The following CCDC191 variants were observed in gnomAD, a reference collection of about 807,000 sequenced individuals.
CCDC191 encodes the protein coiled-coil domain containing 191.
CCDC191 carries 99 observed loss-of-function variants against 114.0 expected under a neutral mutation model. The observed-to-expected ratio is 0.87, with a 90% CI of 0.74 to 1.03. The LOEUF (loss-of-function observed/expected upper bound fraction) is 1.03. Among genes scored for constraint, CCDC191 ranks in the 50% least tolerant of loss-of-function variants. The pLI is 0.00. For synonymous variants in CCDC191, 351 were observed against 376.0 expected (o/e 0.93, Z 0.77); for missense variants, 973 against 1,087.0 (o/e 0.90, Z 1.47).
Position 113,978,243 on chromosome 3 carries a change from C to A in CCDC191, c.2549G>T (p.Arg850Met). The change falls in exon 16 of 17, where the codon AGG becomes ATG. Residue 850 changes from arginine to methionine, a missense_variant. By Grantham distance (91) the Arg-to-Met change is moderately conservative. Coordinates refer to ENST00000295878, the MANE Select transcript of CCDC191 (RefSeq NM_020817.2). ...GCCCTGAGAATCGATCTTCACCTCC[C>A]TGACCATGTTAAACCAGGCCCTGAA... ...KIFRAWFNMV[R>M]EVKIDSQGKH... 6.2e-7 allele frequency: 1 copy of A among 1,614,074 alleles called. No homozygotes were observed. Among genetic ancestry groups the A allele is most frequent in the African/African-American group, 1.3e-5 (1 of 75,042 alleles).
At chr3:113,970,934 A>G (rs1940749416) in intron 16 of CCDC191, among the ~76,000 whole-genome samples, 1 of 152,124 alleles carries the variant, frequency 6.6e-6, no homozygotes, top group South Asian at 2.1e-4. Flanking sequence ...TCCATGGTGT[A>G]TATGTGCCAC....
chr3:114,033,100 T>A (rs987204267), intron 6 of CCDC191, among the ~76,000 whole-genome samples: 16 of 148,778 alleles, frequency 1.1e-4, no homozygotes, highest in Non-Finnish European at 2.1e-4. Flanking sequence ...TTTTTTTTTT[T>A]ATTTTCTGTT....
intron 7 of CCDC191, among the ~76,000 whole-genome samples, chr3:114,029,049 C>T (rs1341982890): frequency 2.0e-5 from 3 of 151,932 alleles, no homozygotes; most frequent in Non-Finnish European, 4.4e-5. Context: ...TAGCAGTGAA[C>T]ACACTTAGTG....
intron 8 of CCDC191, among the ~76,000 whole-genome samples, chr3:114,013,271 A>G (rs890247532): frequency 5.9e-5 from 9 of 151,944 alleles, no homozygotes; most frequent in African/African-American, 1.9e-4. Context: ...AGTAAAAAAG[A>G]AAAAACAGAA....
chr3:114,009,770 T>C (rs1415787118), intron 9 of CCDC191, among the ~76,000 whole-genome samples: 1 of 152,200 alleles, frequency 6.6e-6, no homozygotes, highest in Non-Finnish European at 1.5e-5. Context: ...ATTATGGATA[T>C]GTGCAGATTT....
chr3:113,999,345 T>C (rs1322145809), intron 13 of CCDC191, among the ~76,000 whole-genome samples: 6 of 152,150 alleles, frequency 3.9e-5, no homozygotes, highest in African/African-American at 1.2e-4. Context: ...CGGCTCCTTG[T>C]GCCACTGAAT....
At chr3:114,054,553 C>T (rs1319015266) in intron 1 of CCDC191, among the ~76,000 whole-genome samples, 7 of 152,136 alleles carry the variant, frequency 4.6e-5, no homozygotes, top group Non-Finnish European at 8.8e-5. Context: ...AGGAGAATGG[C>T]GTGAACCCGA....
At chr3:113,975,411 T>G (rs1339684937) in intron 16 of CCDC191, among the ~76,000 whole-genome samples, 1 of 152,218 alleles carries the variant, frequency 6.6e-6, no homozygotes, top group Non-Finnish European at 1.5e-5. Context: ...GAATATCAAT[T>G]TTTTAATGTT....
At position 114,034,962 on chromosome 3, in the gene CCDC191, T is replaced by C. The variant is rs966830796; in HGVS notation, c.781A>G (p.Ile261Val). 1 of 1,614,054 alleles carries C rather than the reference T, an allele frequency of 6.2e-7. No individual in the cohort carries two copies. The highest frequency in any genetic ancestry group is 8.5e-7 in the Non-Finnish European group (1 of 1,179,992). Reference protein sequence around the residue: ...REMVKLRREIIERRRTVKAAW... With the variant: ...REMVKLRREIVERRRTVKAAW... ...GCTTTCACAGTGCGTCTCCTCTCAA[T>C]TATCTCCCTCCGCAGCTTCACCATC... The change falls in exon 6 of 17, where the codon ATT becomes GTT. Residue 261 changes from isoleucine to valine, a missense_variant. Transcript: ENST00000295878.
intron 5 of CCDC191, 37 bp from the exon 6 acceptor site, chr3:114,035,185 T>C (rs2076466271): frequency 6.7e-7 from 1 of 1,486,334 alleles, no homozygotes; most frequent in African/African-American, 1.4e-5. Flanking sequence ...GTGTGGCCTT[T>C]CAAGTAGAAA....
intron 7 of CCDC191, among the ~76,000 whole-genome samples, chr3:114,024,282 G>A (rs1317621793): frequency 6.6e-6 from 1 of 152,232 alleles, no homozygotes. Flanking sequence ...CGTTGTGGAA[G>A]TCAGTGTGGC....
chr3:113,968,460 C>A (rs562729506), intron 16 of CCDC191, among the ~76,000 whole-genome samples: 4 of 151,974 alleles, frequency 2.6e-5, no homozygotes, highest in Non-Finnish European at 5.9e-5. Flanking sequence ...TCTTCCCCCC[C>A]CTTTTTTTTT....
intron 7 of CCDC191, among the ~76,000 whole-genome samples, chr3:114,025,911 G>A (rs1331903428): frequency 6.6e-6 from 1 of 152,098 alleles, no homozygotes; most frequent in Non-Finnish European, 1.5e-5. Flanking sequence ...CCAGGATACT[G>A]TGATAGTAAG....
intron 3 of CCDC191, among the ~76,000 whole-genome samples, chr3:114,043,252 A>C (rs2076587105): frequency 6.6e-6 from 1 of 152,224 alleles, no homozygotes; most frequent in South Asian, 2.1e-4. Flanking sequence ...AGGAGTATCT[A>C]CAGTGTTGGA....
At chr3:114,054,313 TAG>T (rs2076736378) in intron 1 of CCDC191, 2 of 152,222 alleles carry the variant, frequency 1.3e-5, no homozygotes, top group South Asian at 4.1e-4. Context: ...ACTTAACAAA[TAG>T]AGTTATCTTC....
chr3:114,004,204 A>G lies in CCDC191; in HGVS notation c.1978+433T>C, dbSNP rs60841131. ...TAAAATCCTATCAACAAGTTATAAT[A>G]TTATAAAATAATAACTTATCTTGGA... On this transcript the variant is annotated intron_variant, in intron 11 of 16. Coordinates refer to ENST00000295878, the MANE Select transcript of CCDC191 (RefSeq NM_020817.2). 6,768 of 964,376 alleles carry G rather than the reference A, an allele frequency of 7.0e-3. 342 individuals carry two copies. The African/African-American group carries it at 0.11, about 16-fold the overall frequency. 59.7% of individuals were successfully genotyped at this position (964,376 alleles called of 1,614,324 possible). A position where few individuals can be genotyped will look rare whatever the true frequency, so the allele number is the denominator to read the frequency against.
At chr3:114,024,269 A>C (rs1471598703) in intron 7 of CCDC191, among the ~76,000 whole-genome samples, 1 of 152,230 alleles carries the variant, frequency 6.6e-6, no homozygotes, top group South Asian at 2.1e-4. Context: ...AAACTAGTTC[A>C]ACCGTTGTGG....
rs370004223 is a variant in CCDC191, at chr3:113,972,177, T to TG, written c.2606+6008dup. ...TGAGGAGCATAGTTGACTTATTTTTTGAAGTCTGTCAACTTTTTTGATGTG... is the reference window on the plus strand; with the variant it reads ...TGAGGAGCATAGTTGACTTATTTTTTGGAAGTCTGTCAACTTTTTTGATGTG... On this transcript the variant is annotated intron_variant, in intron 16 of 16. Transcript: ENST00000295878. 4.8e-4 allele frequency among the ~76,000 whole-genome samples: 73 copies of TG among 152,244 alleles called. 1 individual carries two copies. Among genetic ancestry groups the TG allele is most frequent in the African/African-American group, 1.4e-3 (59 of 41,590 alleles).
chr3:114,042,175 A>G (rs577611834), intron 4 of CCDC191, among the ~76,000 whole-genome samples: 1 of 152,342 alleles, frequency 6.6e-6, no homozygotes, highest in South Asian at 2.1e-4. Context: ...TTCTAATCAT[A>G]AGCAGAATTA....
Sources: allele counts gnomAD v4.1 joint callset (sites outside exome capture counted in the v4.1 genomes callset), GRCh38; gene constraint gnomAD v4.1.1; transcripts MANE v1.5; gene names NCBI Gene and HGNC (gene_info 2026-07-23, HGNC 2026-07-21).